Variants in JAK1 observed in about 807,000 individuals in gnomAD.
JAK1 encodes the protein tyrosine-protein kinase JAK1.
In JAK1, 16 loss-of-function variants were observed where a neutral mutation model predicts 136.6. That is an observed-to-expected ratio of 0.12 (90% CI 0.08 to 0.18). The LOEUF (loss-of-function observed/expected upper bound fraction) is 0.18. Among genes scored for constraint, JAK1 ranks in the 10% least tolerant of loss-of-function variants. The pLI, the probability that JAK1 is intolerant of heterozygous loss-of-function variation, is 1.00. For synonymous variants in JAK1, 492 were observed against 519.5 expected, an observed-to-expected ratio of 0.95 and a Z score of 0.72; for missense variants, 859 against 1,450.1, an observed-to-expected ratio of 0.59 and a Z score of 6.62.
At chr1:64,964,928 T>G (rs578031490) in intron 1 of JAK1, among the ~76,000 whole-genome samples, 37 of 152,232 alleles carry the variant, frequency 2.4e-4, no homozygotes, top group African/African-American at 7.7e-4. Context: ...AAAGAACACA[T>G]TGATCCTTCA....
chr1:64,935,529 C>T (rs1366064735), intron 1 of JAK1, among the ~76,000 whole-genome samples: 1 of 151,184 alleles, frequency 6.6e-6, no homozygotes, highest in Admixed American at 6.6e-5. Context: ...TCGAACTCTC[C>T]TGACCTCGTG....
intron 5 of JAK1, among the ~76,000 whole-genome samples, chr1:64,872,999 C>T (rs555279776): frequency 2.6e-5 from 4 of 152,084 alleles, no homozygotes; most frequent in Admixed American, 1.3e-4. Flanking sequence ...GACATTACTA[C>T]GGCTGCTGAG....
At chr1:64,966,606 C>T (rs1197814156), upstream of JAK1, 1 of 146,766 alleles carries the variant, frequency 6.8e-6, no homozygotes, top group African/African-American at 2.5e-5. Context: ...CCGTGGCCGC[C>T]GGGCCCACCC....
intron 1 of JAK1, among the ~76,000 whole-genome samples, chr1:64,901,127 C>T (rs1307030129): frequency 6.6e-6 from 1 of 152,142 alleles, no homozygotes; most frequent in East Asian, 1.9e-4. Flanking sequence ...TGGGTACATA[C>T]AACACCAAAT....
Position 64,992,055 on chromosome 1 carries a change from T to C in JAK1, c.-78+52425A>G, listed in dbSNP as rs1198497583. 5 of 152,222 alleles carry C rather than the reference T, an allele frequency of 3.3e-5. No individual in the cohort carries two copies. The East Asian group carries it at 9.6e-4, about 29-fold the overall frequency. 9.4% of individuals were successfully genotyped at this position (152,222 alleles called of 1,614,324 possible). A position where few individuals can be genotyped will look rare whatever the true frequency, so the allele number is the denominator to read the frequency against. ...CCCTATAAAAATCCCAATAGCTTTT[T>C]TGCTCAATGGAAAAAGCATATCCTC... On this transcript the variant is annotated intron_variant, in intron 2 of 25. Coordinates refer to the JAK1 transcript ENST00000671954.
intron 5 of JAK1, among the ~76,000 whole-genome samples, chr1:64,871,777 C>T (rs1253960602): frequency 6.6e-6 from 1 of 152,222 alleles, no homozygotes; most frequent in Non-Finnish European, 1.5e-5. Flanking sequence ...CTACACTAGG[C>T]CAAACCAGCA....
intron 1 of JAK1, among the ~76,000 whole-genome samples, chr1:64,888,572 A>G (rs991284751): frequency 2.0e-5 from 3 of 152,220 alleles, no homozygotes; most frequent in Non-Finnish European, 2.9e-5. Flanking sequence ...TGTAAGATTC[A>G]AGGATCTGAC....
At chr1:64,927,208 G>A (rs935712978) in intron 1 of JAK1, among the ~76,000 whole-genome samples, 3 of 152,124 alleles carry the variant, frequency 2.0e-5, no homozygotes, top group South Asian at 2.1e-4. Flanking sequence ...ACGGTCTCCC[G>A]TGTCCCCTCC....
chr1:65,007,143 C>T (rs905764443), intron 2 of JAK1, among the ~76,000 whole-genome samples: 6 of 152,128 alleles, frequency 3.9e-5, no homozygotes, highest in Non-Finnish European at 7.4e-5. Context: ...CACAATCAGA[C>T]TCACTTTTAT....
In JAK1 at chr1:64,879,245, A is replaced by G. The variant is rs571863399; in HGVS notation, c.206-97T>C. ...ATATGCAAAGATAAGGAACTCTCTC[A>G]TCCACAAAGAATCTGGGTCACTCAT... is the stretch of plus-strand genomic sequence containing the variant. On this transcript the variant is annotated intron_variant, in intron 3 of 24. Coordinates refer to ENST00000342505, the MANE Select transcript of JAK1 (RefSeq NM_002227.4). The G allele has an allele frequency of 2.8e-6, 4 of 1,413,702 alleles. No individual in the cohort carries two copies. In the South Asian group the frequency reaches 5.2e-5, roughly 18 times the overall value. 87.6% of individuals were successfully genotyped at this position (1,413,702 alleles called of 1,614,324 possible).
intron 2 of JAK1, among the ~76,000 whole-genome samples, chr1:64,975,861 T>C (rs1646494067): frequency 6.6e-6 from 1 of 152,168 alleles, no homozygotes; most frequent in Non-Finnish European, 1.5e-5. Flanking sequence ...GAGGATGGAT[T>C]CCCCCTGTCA....
chr1:64,844,961 G>C lies in JAK1; in HGVS notation c.2116-72C>G. On this transcript the variant is annotated intron_variant, in intron 15 of 24. Transcript: ENST00000342505. The surrounding 1 kb of genome is among the most constrained non-coding windows in gnomAD (Gnocchi z 5.7). ...TTCTATTTCCAACCCTGGTCCCTCAGGTCATCTCTTCCTACCCCCAGCTAC... is the reference window on the plus strand; with the variant it reads ...TTCTATTTCCAACCCTGGTCCCTCACGTCATCTCTTCCTACCCCCAGCTAC... 6.3e-7 allele frequency: 1 copy of C among 1,596,576 alleles called. No homozygotes were observed. Among genetic ancestry groups the C allele is most frequent in the Non-Finnish European group, 8.6e-7 (1 of 1,167,484 alleles).
rs1353657925 is a variant in JAK1, at chr1:64,856,287, A to G, written c.1459-589T>C. Among the ~76,000 whole-genome samples the G allele has an allele frequency of 2.0e-5, 3 of 152,162 alleles. No individual in the cohort carries two copies. The East Asian group carries it at 5.8e-4, about 29-fold the overall frequency. Reference sequence around the variant, plus strand: ...CTCATGGGCTCTTTTTGTACAAACTAAACTATTTTAGTGGTAAACAATGAG... The same window carrying G: ...CTCATGGGCTCTTTTTGTACAAACTGAACTATTTTAGTGGTAAACAATGAG... On this transcript the variant is annotated intron_variant, in intron 10 of 24. Transcript: ENST00000342505.
intron 1 of JAK1, among the ~76,000 whole-genome samples, chr1:65,065,065 T>A (rs1193269578): frequency 6.6e-6 from 1 of 152,160 alleles, no homozygotes; most frequent in Non-Finnish European, 1.5e-5. Flanking sequence ...ATGTCAAAGT[T>A]CATTGTGTTC....
chr1:65,016,052 A>G (rs570384359), intron 2 of JAK1, among the ~76,000 whole-genome samples: 41 of 152,372 alleles, frequency 2.7e-4, no homozygotes, highest in African/African-American at 9.4e-4. Context: ...CATGGTAGAT[A>G]AACCTTGAAG....
At chr1:64,888,082 G>T (rs1644878998) in intron 1 of JAK1, among the ~76,000 whole-genome samples, 1 of 152,178 alleles carries the variant, frequency 6.6e-6, no homozygotes, top group African/African-American at 2.4e-5. Flanking sequence ...CAGCCTTTTA[G>T]GACAGGAAGA....
At chr1:65,003,073 T>C (rs1646775760) in intron 2 of JAK1, among the ~76,000 whole-genome samples, 1 of 150,128 alleles carries the variant, frequency 6.7e-6, no homozygotes, top group South Asian at 2.1e-4. Context: ...CCCCCGCTTC[T>C]TCCCTACTAG....
At chr1:64,933,298 C>A (rs1645731116) in intron 1 of JAK1, among the ~76,000 whole-genome samples, 1 of 152,228 alleles carries the variant, frequency 6.6e-6, no homozygotes, top group African/African-American at 2.4e-5. Flanking sequence ...AACTTCTAAG[C>A]TATTTTTAAC....
intron 3 of JAK1, among the ~76,000 whole-genome samples, chr1:64,883,049 CAGAA>C (rs1175637870): frequency 6.6e-6 from 1 of 151,988 alleles, no homozygotes; most frequent in Non-Finnish European, 1.5e-5. Flanking sequence ...AGTGACGGAG[CAGAA>C]AGAAGCCACT....
Sources: gnomAD v4.1 joint callset for allele counts (sites outside exome capture counted in the v4.1 genomes callset) on GRCh38, gnomAD v4.1.1 for gene constraint, Gnocchi (gnomAD v3.1) non-coding constraint, MANE v1.5 for transcripts, NCBI Gene and HGNC (gene_info 2026-07-23, HGNC 2026-07-21) for gene names.